PAN3: variants seen among roughly 807,000 people sequenced by gnomAD.
PAN3 encodes the protein PAN2-PAN3 deadenylation complex subunit PAN3.
Under a neutral mutation model 96.2 loss-of-function variants are expected in PAN3, and 19 were observed. The ratio of observed to expected loss-of-function variants is 0.20; its 90% CI spans 0.14 to 0.29. PAN3 has a LOEUF of 0.29. PAN3 is among the 10% of genes least tolerant of loss of function. The pLI is 1.00. For synonymous variants in PAN3, 433 were observed against 406.6 expected, an observed-to-expected ratio of 1.06 and a Z score of -0.78; for missense variants, 882 against 1,108.1, an observed-to-expected ratio of 0.80 and a Z score of 2.90.
At chr13:28,237,937 A>T (rs1026206983) in intron 6 of PAN3, among the ~76,000 whole-genome samples, 5 of 152,208 alleles carry the variant, frequency 3.3e-5, no homozygotes, top group African/African-American at 1.2e-4. Context: ...CTAACCCAAC[A>T]CAAAATTAAG....
At chr13:28,269,750 G>T (rs1886458393) in intron 12 of PAN3, among the ~76,000 whole-genome samples, 1 of 152,010 alleles carries the variant, frequency 6.6e-6, no homozygotes, top group Non-Finnish European at 1.5e-5. Context: ...TATTTCCAGA[G>T]TATATTATCT....
intron 5 of PAN3, among the ~76,000 whole-genome samples, chr13:28,209,389 C>T (rs577113003): frequency 1.3e-5 from 2 of 152,354 alleles, no homozygotes; most frequent in African/African-American, 2.4e-5. Flanking sequence ...CCCTCTCAGG[C>T]ATAAGGAAAC....
chr13:28,258,549 T>C (rs1377420377), intron 7 of PAN3, among the ~76,000 whole-genome samples: 2 of 152,188 alleles, frequency 1.3e-5, no homozygotes, highest in Admixed American at 1.3e-4. Flanking sequence ...ACTGCTGACC[T>C]AGAGTAGGTT....
intron 6 of PAN3, among the ~76,000 whole-genome samples, chr13:28,242,588 G>A (rs985075215): frequency 1.3e-5 from 2 of 152,236 alleles, no homozygotes; most frequent in Non-Finnish European, 2.9e-5. Flanking sequence ...AGGTATTTCA[G>A]AAGGATGAAC....
intron 1 of PAN3, among the ~76,000 whole-genome samples, chr13:28,171,480 G>C (rs1204963346): frequency 6.6e-6 from 1 of 152,200 alleles, no homozygotes; most frequent in Non-Finnish European, 1.5e-5. Context: ...CATGTAGCGG[G>C]TCCTCAGATT....
chr13:28,201,927 T>C (rs1195504247), intron 5 of PAN3, among the ~76,000 whole-genome samples: 1 of 152,222 alleles, frequency 6.6e-6, no homozygotes, highest in African/African-American at 2.4e-5. Flanking sequence ...CGGTTTAATT[T>C]TTGGTTTTCC....
At chr13:28,176,461 G>A in intron 2 of PAN3, 32 bp from the exon 3 acceptor site, 1 of 1,579,258 alleles carries the variant, frequency 6.3e-7, no homozygotes. Context: ...GTATTCCTCA[G>A]TGATGTTATA....
intron 4 of PAN3, 23 bp from the exon 5 acceptor site, chr13:28,197,162 G>A: frequency 6.2e-7 from 1 of 1,607,958 alleles, no homozygotes; most frequent in Non-Finnish European, 8.5e-7. Context: ...GAGTGGCCTG[G>A]TTTCTTTCCT....
intron 17 of PAN3, among the ~76,000 whole-genome samples, chr13:28,284,060 T>C (rs768337497): frequency 2.6e-5 from 4 of 152,254 alleles, no homozygotes; most frequent in Non-Finnish European, 4.4e-5. Flanking sequence ...CAATTGTGAT[T>C]GCTAGGTCAG....
chr13:28,292,996 A>G lies in PAN3; in HGVS notation c.*474A>G, dbSNP rs1312331366. On this transcript the variant is annotated 3_prime_UTR_variant, in exon 19 of 19. Transcript: ENST00000380958. Reference sequence around the variant, plus strand: ...CTGAATAACATTACGGACCAGGTAAATAATTTCATAGAAGTTCAGTATAGT... The same window carrying G: ...CTGAATAACATTACGGACCAGGTAAGTAATTTCATAGAAGTTCAGTATAGT... 6.6e-6 allele frequency: 1 copy of G among 152,538 alleles called. No homozygotes were observed. The highest frequency in any genetic ancestry group is 2.4e-5 in the African/African-American group (1 of 41,452). 9.4% of individuals were successfully genotyped at this position (152,538 alleles called of 1,614,324 possible).
At chr13:28,165,214 G>C (rs1281883856) in intron 1 of PAN3, among the ~76,000 whole-genome samples, 1 of 151,606 alleles carries the variant, frequency 6.6e-6, no homozygotes, top group Non-Finnish European at 1.5e-5. Flanking sequence ...CCGAAGTTCT[G>C]ATTCATTAGG....
chr13:28,145,824 A>G (rs1164359805), intron 1 of PAN3, among the ~76,000 whole-genome samples: 2 of 149,022 alleles, frequency 1.3e-5, no homozygotes, highest in African/African-American at 2.5e-5. Context: ...CAGTGGCGCA[A>G]TTTTGGCACA....
At chr13:28,238,233 A>G (rs1372661416) in intron 6 of PAN3, among the ~76,000 whole-genome samples, 1 of 152,194 alleles carries the variant, frequency 6.6e-6, no homozygotes, top group Non-Finnish European at 1.5e-5. Flanking sequence ...ATTTGAACCA[A>G]AGAGTACAGA....
intron 1 of PAN3, among the ~76,000 whole-genome samples, chr13:28,151,446 C>T (rs1410841871): frequency 2.6e-5 from 4 of 151,660 alleles, no homozygotes; most frequent in African/African-American, 4.8e-5. Flanking sequence ...ACCTGGGAGT[C>T]GGAGCTTGCA....
chr13:28,267,984 T>G (rs2138655490), intron 12 of PAN3, among the ~76,000 whole-genome samples: 1 of 152,322 alleles, frequency 6.6e-6, no homozygotes, highest in Admixed American at 6.5e-5. Flanking sequence ...ATAAGATAGA[T>G]TTTTGAAGAC....
intron 1 of PAN3, among the ~76,000 whole-genome samples, 190 bp from the exon 2 acceptor site, chr13:28,174,074 TAATTAGTC>T (rs1874641839): frequency 6.6e-6 from 1 of 152,200 alleles, no homozygotes; most frequent in Admixed American, 6.5e-5. Context: ...CTGTGGGAAA[TAATTAGTC>T]AGCTTGAGCA....
At position 28,201,088 on chromosome 13, in the gene PAN3, A is replaced by G. The variant is rs536561962; in HGVS notation, c.852+3742A>G. Among the ~76,000 whole-genome samples, 8 of 151,286 alleles carry G rather than the reference A, an allele frequency of 5.3e-5. No homozygotes were observed. The South Asian group carries it at 1.7e-3, about 32-fold the overall frequency. Reference sequence around the variant, plus strand: ...GTCTCTGTTACCCAGGCTGGAATGCAGTAATGCAATCATGGCTCACCTCAT... The same window carrying G: ...GTCTCTGTTACCCAGGCTGGAATGCGGTAATGCAATCATGGCTCACCTCAT... On this transcript the variant is annotated intron_variant, in intron 5 of 18. Coordinates refer to ENST00000380958, the MANE Select transcript of PAN3 (RefSeq NM_175854.8).
At chr13:28,160,901 T>C (rs1872802600) in intron 1 of PAN3, among the ~76,000 whole-genome samples, 1 of 152,242 alleles carries the variant, frequency 6.6e-6, no homozygotes, top group South Asian at 2.1e-4. Context: ...AAAAAGTGTT[T>C]CAAGAAATCT....
At chr13:28,286,313 TG>T (rs1322310414) in intron 17 of PAN3, among the ~76,000 whole-genome samples, 1 of 152,250 alleles carries the variant, frequency 6.6e-6, no homozygotes, top group Non-Finnish European at 1.5e-5. Context: ...CTTCATCTTC[TG>T]GTTTGCTTGG....
Sources: allele counts gnomAD v4.1 joint callset (sites outside exome capture counted in the v4.1 genomes callset), GRCh38; gene constraint gnomAD v4.1.1; transcripts MANE v1.5; gene names NCBI Gene and HGNC (gene_info 2026-07-23, HGNC 2026-07-21).